Variants in SUCLG2 observed in about 807,000 individuals in gnomAD.
The protein encoded by SUCLG2 is succinate-CoA ligase GDP-forming subunit beta.
In SUCLG2, 42 loss-of-function variants were observed where a neutral mutation model predicts 47.9. That is an observed-to-expected ratio of 0.88 (90% CI 0.69 to 1.14). The LOEUF (loss-of-function observed/expected upper bound fraction) is 1.14, where lower values mean the gene tolerates loss of function less well. Ranked by LOEUF, SUCLG2 falls within the 50% of genes most tolerant of loss-of-function variation. The pLI is 0.00. For synonymous variants in SUCLG2, 195 were observed against 197.3 expected (o/e 0.99, Z 0.10); for missense variants, 571 against 525.9 (o/e 1.09, Z -0.84).
At chr3:67,545,369 T>C (rs1706837111) in intron 2 of SUCLG2, among the ~76,000 whole-genome samples, 1 of 152,200 alleles carries the variant, frequency 6.6e-6, no homozygotes, top group Non-Finnish European at 1.5e-5. Context: ...CCAAGAGAGA[T>C]GAAAGATCTC....
intron 2 of SUCLG2, among the ~76,000 whole-genome samples, chr3:67,551,067 T>C (rs1707001957): frequency 6.6e-6 from 1 of 152,240 alleles, no homozygotes; most frequent in Non-Finnish European, 1.5e-5. Flanking sequence ...TATTACTGAC[T>C]TTTGCCAAGT....
chr3:67,366,551 C>A (rs933515367), intron 10 of SUCLG2, among the ~76,000 whole-genome samples: 12 of 152,146 alleles, frequency 7.9e-5, no homozygotes, highest in South Asian at 2.1e-4. Context: ...TGTTTGAATT[C>A]AACTTAATCA....
intron 2 of SUCLG2, among the ~76,000 whole-genome samples, chr3:67,557,829 G>C (rs1347336121): frequency 6.6e-6 from 1 of 152,158 alleles, no homozygotes; most frequent in Non-Finnish European, 1.5e-5. Flanking sequence ...TGATGCACAG[G>C]CAAGTTTGGG....
chr3:67,547,095 A>G (rs550399389), intron 2 of SUCLG2, among the ~76,000 whole-genome samples: 10 of 152,144 alleles, frequency 6.6e-5, no homozygotes, highest in Admixed American at 1.3e-4. Context: ...CCTAACCCCC[A>G]GGTGATAGTA....
At chr3:67,447,551 C>T (rs1433236038) in intron 9 of SUCLG2, among the ~76,000 whole-genome samples, 1 of 152,096 alleles carries the variant, frequency 6.6e-6, no homozygotes, top group Non-Finnish European at 1.5e-5. Flanking sequence ...GAATACAATA[C>T]ACTGAATGGA....
At chr3:67,416,777 T>A (rs529476131) in intron 9 of SUCLG2, among the ~76,000 whole-genome samples, 1 of 152,312 alleles carries the variant, frequency 6.6e-6, no homozygotes, top group East Asian at 1.9e-4. Flanking sequence ...AAAATCTACT[T>A]TAAACCCTCC....
intron 9 of SUCLG2, among the ~76,000 whole-genome samples, chr3:67,410,379 AG>A (rs1702908430): frequency 6.6e-6 from 1 of 152,202 alleles, no homozygotes; most frequent in East Asian, 1.9e-4. Context: ...CAGGATTTTC[AG>A]GAGAAGAAAA....
chr3:67,570,293 A>G (rs1433156135), intron 2 of SUCLG2, among the ~76,000 whole-genome samples: 1 of 152,208 alleles, frequency 6.6e-6, no homozygotes, highest in Non-Finnish European at 1.5e-5. Flanking sequence ...TATGCCTGCC[A>G]TTTACATTCT....
In SUCLG2 at chr3:67,529,121, T is replaced by G; in HGVS notation, c.292A>C (p.Ser98Arg). 3.1e-6 allele frequency: 5 copies of G among 1,613,364 alleles called. No individual in the cohort carries two copies. Among genetic ancestry groups the G allele is most frequent in the Non-Finnish European group, 4.2e-6 (5 of 1,179,784 alleles). The change falls in exon 3 of 11, where the codon AGT (serine) becomes CGT (arginine). Residue 98 changes from serine to arginine, a missense_variant. Transcript: ENST00000307227. ...AGGRGKGVFN[S>R]GLKGGVHLTK... is the part of the protein sequence containing the mutation. ...AAATGAACACCTCCTTTCAAACCAC[T>G]ATTGAAGACACCTTTTCCTCTTCCT...
intron 10 of SUCLG2, among the ~76,000 whole-genome samples, chr3:67,399,308 G>A (rs1333051963): frequency 6.6e-6 from 1 of 152,128 alleles, no homozygotes; most frequent in Non-Finnish European, 1.5e-5. Flanking sequence ...CTGTTCTGAG[G>A]AAAAGTGTTC....
chr3:67,620,584 C>CAAAAAAAAA lies in SUCLG2; in HGVS notation c.85-10997_85-10989dup, dbSNP rs71109890. On this transcript the variant is annotated intron_variant, in intron 1 of 10. Coordinates refer to ENST00000307227, the MANE Select transcript of SUCLG2 (RefSeq NM_003848.4). ...TGGGTGACACAGTGAGACTCCATCT[C>CAAAAAAAAA]AAAAAAAAAAAAAAAAAAAGAAAGA... 3.2e-3 allele frequency among the ~76,000 whole-genome samples: 206 copies of CAAAAAAAAA among 63,396 alleles called. 5 individuals carry two copies. Among genetic ancestry groups the CAAAAAAAAA allele is most frequent in the African/African-American group, 8.6e-3 (140 of 16,282 alleles). The allele number at this position is 63,396 out of a possible 152,430, so 41.6% of individuals were successfully genotyped here. A position where few individuals can be genotyped will look rare whatever the true frequency, so the allele number is the denominator to read the frequency against.
rs572934474 is a variant in SUCLG2, at chr3:67,508,659, A to G, written c.757+148T>C. The G allele has an allele frequency of 4.7e-6, 3 of 644,722 alleles. No individual in the cohort carries two copies. In the African/African-American group the frequency reaches 5.6e-5, roughly 12 times the overall value. 39.9% of individuals were successfully genotyped at this position (644,722 alleles called of 1,614,324 possible). A position where few individuals can be genotyped will look rare whatever the true frequency, so the allele number is the denominator to read the frequency against. ...CCTAAGTGCTGAAATGTTCAACTGC[A>G]TCATGGGAGCATTTCAAACTATGGC... On this transcript the variant is annotated intron_variant, in intron 7 of 10. Coordinates refer to ENST00000307227, the MANE Select transcript of SUCLG2 (RefSeq NM_003848.4).
At chr3:67,651,471 A>G (rs1701284030) in intron 1 of SUCLG2, among the ~76,000 whole-genome samples, 1 of 152,230 alleles carries the variant, frequency 6.6e-6, no homozygotes, top group South Asian at 2.1e-4. Context: ...TATGTCAAAA[A>G]GGCCATCTCC....
At chr3:67,380,937 G>A (rs1371201551) in intron 10 of SUCLG2, among the ~76,000 whole-genome samples, 2 of 152,138 alleles carry the variant, frequency 1.3e-5, no homozygotes, top group Non-Finnish European at 1.5e-5. Flanking sequence ...CACTGACCCT[G>A]CCCTTGTCGT....
At chr3:67,425,970 C>T (rs945629954) in intron 9 of SUCLG2, among the ~76,000 whole-genome samples, 1 of 152,082 alleles carries the variant, frequency 6.6e-6, no homozygotes, top group Non-Finnish European at 1.5e-5. Context: ...AGAGGAATTC[C>T]AGCTCAGGAA....
intron 2 of SUCLG2, among the ~76,000 whole-genome samples, chr3:67,573,778 CTTTT>C (rs1398845408): frequency 6.6e-6 from 1 of 151,340 alleles, no homozygotes; most frequent in Non-Finnish European, 1.5e-5. Context: ...TTGTTTCCCC[CTTTT>C]TTTTTCTTTT....
chr3:67,499,257 C>T (rs546184173), intron 7 of SUCLG2, among the ~76,000 whole-genome samples: 2 of 152,168 alleles, frequency 1.3e-5, no homozygotes, highest in African/African-American at 4.8e-5. Context: ...TAGCAATTTC[C>T]AGCATACATT....
chr3:67,565,489 C>G (rs1349700284), intron 2 of SUCLG2, among the ~76,000 whole-genome samples: 1 of 152,112 alleles, frequency 6.6e-6, no homozygotes, highest in Non-Finnish European at 1.5e-5. Context: ...AAAAACTAAC[C>G]TATTTCATTG....
intron 9 of SUCLG2, among the ~76,000 whole-genome samples, chr3:67,471,792 G>C (rs557544232): frequency 8.5e-5 from 13 of 152,220 alleles, no homozygotes; most frequent in African/African-American, 2.4e-4. Flanking sequence ...AAACCCAGCA[G>C]CTCCACTCAC....
Sources: gnomAD v4.1 joint callset for allele counts (sites outside exome capture counted in the v4.1 genomes callset) on GRCh38, gnomAD v4.1.1 for gene constraint, MANE v1.5 for transcripts, NCBI Gene and HGNC (gene_info 2026-07-23, HGNC 2026-07-21) for gene names.